Variants in PPP1R37 observed in about 807,000 individuals in gnomAD.
PPP1R37 encodes leucine rich repeat containing 68.
A neutral mutation model predicts 61.0 loss-of-function variants in PPP1R37; 21 were observed. That is an observed-to-expected ratio of 0.34 (90% CI 0.24 to 0.50). PPP1R37 has a LOEUF of 0.50. Among genes scored for constraint, PPP1R37 ranks in the 20% least tolerant of loss-of-function variants. The pLI, the probability that PPP1R37 is intolerant of heterozygous loss-of-function variation, is 0.98. For synonymous variants in PPP1R37, 443 were observed against 433.5 expected (o/e 1.02, Z -0.27); for missense variants, 910 against 952.7 (o/e 0.96, Z 0.59).
intron 1 of PPP1R37, among the ~76,000 whole-genome samples, chr19:45,098,584 G>A (rs1029722690): frequency 2.0e-5 from 3 of 152,180 alleles, no homozygotes; most frequent in South Asian, 2.1e-4. Flanking sequence ...GCAGGGTGAG[G>A]GGGCCCAAGC....
intron 1 of PPP1R37, among the ~76,000 whole-genome samples, chr19:45,122,777 A>G (rs1968357615): frequency 6.6e-6 from 1 of 151,996 alleles, no homozygotes; most frequent in African/African-American, 2.4e-5. Context: ...CAGGACCTCA[A>G]TGACTGTAGC....
intron 2 of PPP1R37, among the ~76,000 whole-genome samples, 189 bp downstream of exon 2, chr19:45,138,800 AAAGT>A (rs1968570419): frequency 6.6e-6 from 1 of 152,196 alleles, no homozygotes; most frequent in Admixed American, 6.6e-5. Context: ...AGAATTCTAT[AAAGT>A]AAGACATTCA....
At chr19:45,128,806 G>T (rs1339736495) in intron 1 of PPP1R37, 7 of 619,484 alleles carry the variant, frequency 1.1e-5, no homozygotes, top group Non-Finnish European at 2.1e-5. Context: ...TATAATGTGG[G>T]TGTCCCCAGC....
At chr19:45,105,076 A>G (rs1323076758) in intron 1 of PPP1R37, among the ~76,000 whole-genome samples, 1 of 152,148 alleles carries the variant, frequency 6.6e-6, no homozygotes, top group East Asian at 1.9e-4. Flanking sequence ...AGTGCCCCAG[A>G]CCACGTGGCA....
At chr19:45,097,944 G>C (rs1968014391) in intron 1 of PPP1R37, among the ~76,000 whole-genome samples, 1 of 152,216 alleles carries the variant, frequency 6.6e-6, no homozygotes, top group South Asian at 2.1e-4. Context: ...GGGGATGCCA[G>C]TGGGGCAGCA....
chr19:45,147,169 G>C lies in PPP1R37; in HGVS notation c.*607G>C, dbSNP rs907615640. 1.3e-5 allele frequency: 2 copies of C among 152,742 alleles called. No individual in the cohort carries two copies. Among genetic ancestry groups the C allele is most frequent in the African/African-American group, 4.8e-5 (2 of 41,464 alleles). The allele number at this position is 152,742 out of a possible 1,614,324, so 9.5% of individuals were successfully genotyped here. A position where few individuals can be genotyped will look rare whatever the true frequency, so the allele number is the denominator to read the frequency against. On this transcript the variant is annotated 3_prime_UTR_variant, in exon 13 of 13. Transcript: ENST00000221462. ...AGGCTGCGCCCTGAGAGGCACTACA[G>C]CCCTTTGGGGGCGAGTGGCATGGGT...
At chr19:45,129,054 G>A (rs1014986701) in intron 1 of PPP1R37, 6 of 724,022 alleles carry the variant, frequency 8.3e-6, no homozygotes, top group Non-Finnish European at 1.5e-5. Context: ...GGTGACAGTG[G>A]TGGCAGCAGT....
intron 7 of PPP1R37, 135 bp downstream of exon 7, chr19:45,142,593 A>G: frequency 1.1e-6 from 1 of 914,518 alleles, no homozygotes; most frequent in Non-Finnish European, 1.6e-6. Flanking sequence ...CCCAGGAGGA[A>G]GACAGACCCG....
At chr19:45,104,182 C>T (rs561117679) in intron 1 of PPP1R37, among the ~76,000 whole-genome samples, 4 of 152,338 alleles carry the variant, frequency 2.6e-5, no homozygotes, top group Non-Finnish European at 4.4e-5. Context: ...CTCTAATCCC[C>T]GGACAAAGCT....
intron 9 of PPP1R37, 34 bp downstream of exon 9, chr19:45,145,029 G>T (rs953597154): frequency 3.9e-6 from 6 of 1,524,814 alleles, no homozygotes; most frequent in Non-Finnish European, 4.4e-6. Flanking sequence ...GTGCGGGCTG[G>T]TGGGCTCAGC....
Position 45,145,694 on chromosome 19 carries a change from A to G in PPP1R37, c.1638A>G (p.Pro546=). The G allele has an allele frequency of 6.5e-7, 1 of 1,533,822 alleles. No individual in the cohort carries two copies. The highest frequency in any genetic ancestry group is 2.5e-5 in the East Asian group (1 of 40,816). The change falls in exon 11 of 13, where the codon CCA becomes CCG. Residue 546 remains proline, a synonymous_variant. Coordinates refer to ENST00000221462, the MANE Select transcript of PPP1R37 (RefSeq NM_019121.2). Reference sequence around the variant, plus strand: ...TGGGCCCTGGGGACAGGAGTCCCCCAGGCAGCCCCTCCACACCCACCGAGC... The same window carrying G: ...TGGGCCCTGGGGACAGGAGTCCCCCGGGCAGCCCCTCCACACCCACCGAGC... ...DSLGPGDRSP[P]GSPSTPTEQR...
intron 1 of PPP1R37, among the ~76,000 whole-genome samples, chr19:45,106,315 T>G (rs1464949122): frequency 6.6e-6 from 1 of 152,002 alleles, no homozygotes; most frequent in African/African-American, 2.4e-5. Flanking sequence ...GATCTTGGCT[T>G]ACTGAAACCT....
At chr19:45,094,354 G>A (rs1967964548) in intron 1 of PPP1R37, among the ~76,000 whole-genome samples, 1 of 152,198 alleles carries the variant, frequency 6.6e-6, no homozygotes. Context: ...AGAAGCAGAA[G>A]GAAGGCTGTC....
At chr19:45,093,739 C>T (rs1967954951) in intron 1 of PPP1R37, among the ~76,000 whole-genome samples, 1 of 152,180 alleles carries the variant, frequency 6.6e-6, no homozygotes, top group African/African-American at 2.4e-5. Flanking sequence ...GCACCCCACC[C>T]ACCCGAGACA....
intron 1 of PPP1R37, among the ~76,000 whole-genome samples, chr19:45,111,927 A>G (rs1053690944): frequency 1.3e-5 from 2 of 151,792 alleles, no homozygotes; most frequent in Non-Finnish European, 2.9e-5. Flanking sequence ...TTTCATAAAC[A>G]TGGTATTGTG....
intron 1 of PPP1R37, among the ~76,000 whole-genome samples, chr19:45,131,849 T>A (rs1045434832): frequency 1.3e-5 from 2 of 151,872 alleles, no homozygotes; most frequent in African/African-American, 4.9e-5. Flanking sequence ...TCCTGCTGAC[T>A]AAGCCACACT....
intron 4 of PPP1R37, 89 bp from the exon 5 acceptor site, chr19:45,141,233 G>A (rs1968607250): frequency 2.8e-6 from 4 of 1,417,268 alleles, no homozygotes; most frequent in Non-Finnish European, 2.8e-6. Flanking sequence ...TGGACCCATC[G>A]TCTCTCGGTG....
chr19:45,098,275 T>C (rs892637125), intron 1 of PPP1R37, among the ~76,000 whole-genome samples: 3 of 152,224 alleles, frequency 2.0e-5, no homozygotes, highest in Non-Finnish European at 4.4e-5. Flanking sequence ...CTTCAGCTCT[T>C]CTGAAGGCCA....
chr19:45,107,766 G>A (rs1968151073), intron 1 of PPP1R37, among the ~76,000 whole-genome samples: 1 of 152,076 alleles, frequency 6.6e-6, no homozygotes, highest in Admixed American at 6.5e-5. Flanking sequence ...TCTTCTCTCT[G>A]GCTAGATTCA....
Sources: allele counts gnomAD v4.1 joint callset (sites outside exome capture counted in the v4.1 genomes callset), GRCh38; gene constraint gnomAD v4.1.1; transcripts MANE v1.5; gene names NCBI Gene and HGNC (gene_info 2026-07-23, HGNC 2026-07-21).